Variants in COG5 observed in about 807,000 individuals in gnomAD.
COG5 encodes conserved oligomeric Golgi complex subunit 5.
COG5 carries 86 observed loss-of-function variants against 110.4 expected under a neutral mutation model. That is an observed-to-expected ratio of 0.78 (90% CI 0.65 to 0.93). COG5 has a LOEUF of 0.93. COG5 is among the 40% of genes least tolerant of loss of function. The pLI is 0.00. For missense variants in COG5, 1,077 were observed against 987.0 expected (o/e 1.09, Z -1.22); for synonymous variants, 360 against 334.6 (o/e 1.08, Z -0.83).
intron 21 of COG5, chr7:107,210,093 GGTT>G (rs1252008025): frequency 1.4e-5 from 15 of 1,043,582 alleles, no homozygotes; most frequent in African/African-American, 1.7e-5. Context: ...GTGGCTGCTG[GGTT>G]GTTCTTGTTT....
intron 6 of COG5, among the ~76,000 whole-genome samples, chr7:107,419,848 G>A (rs191948520): frequency 1.3e-5 from 2 of 152,156 alleles, no homozygotes; most frequent in African/African-American, 2.4e-5. Context: ...GATTACAGGC[G>A]TGAGCCACTT....
chr7:107,253,463 A>C (rs1802664911), intron 16 of COG5, among the ~76,000 whole-genome samples: 1 of 152,160 alleles, frequency 6.6e-6, no homozygotes, highest in African/African-American at 2.4e-5. Context: ...AAAGGGAGAA[A>C]GAAGCATTGC....
At chr7:107,294,881 TTGTGTGTGTGTGTG>T (rs756358916) in intron 12 of COG5, among the ~76,000 whole-genome samples, 17 of 94,270 alleles carry the variant, frequency 1.8e-4, no homozygotes, top group East Asian at 3.5e-4. Context: ...ATGCCTGGAT[TTGTGTGTGTGTGTG>T]TGTGTGTGTG....
At position 107,524,952 on chromosome 7, in the gene COG5, C is replaced by T. The variant is rs568006302; in HGVS notation, c.538+2285G>A. On this transcript the variant is annotated intron_variant, in intron 6 of 21. Coordinates refer to ENST00000297135, the MANE Select transcript of COG5 (RefSeq NM_006348.5). The stretch of plus-strand genomic sequence containing the variant: ...TTTTTTGTTTGTTTGTTTGTTTTGA[C>T]AGAGTCTTGCTCTGTCACCAGGCTG... 3.2e-4 allele frequency among the ~76,000 whole-genome samples: 49 copies of T among 152,144 alleles called. No individual in the cohort carries two copies. In the South Asian group the frequency reaches 1.0e-2, roughly 31 times the overall value.
intron 14 of COG5, among the ~76,000 whole-genome samples, chr7:107,278,040 T>C (rs1487834147): frequency 6.6e-6 from 1 of 152,186 alleles, no homozygotes; most frequent in Admixed American, 6.5e-5. Context: ...CTAAGTATAC[T>C]AAAACGTTTC....
intron 7 of COG5, among the ~76,000 whole-genome samples, chr7:107,378,341 T>C (rs958766703): frequency 6.6e-6 from 1 of 151,944 alleles, no homozygotes; most frequent in Non-Finnish European, 1.5e-5. Flanking sequence ...GGTTGAAAAT[T>C]ACAAAAACCA....
At chr7:107,361,684 C>T (rs938778042) in intron 10 of COG5, among the ~76,000 whole-genome samples, 2 of 152,166 alleles carry the variant, frequency 1.3e-5, no homozygotes, top group Non-Finnish European at 2.9e-5. Context: ...GCCTCAGCCT[C>T]CCGAGTAGCT....
intron 6 of COG5, among the ~76,000 whole-genome samples, chr7:107,494,529 A>G (rs28560266): frequency 0.011 from 1,745 of 152,284 alleles, 32 homozygotes; most frequent in African/African-American, 0.039. Context: ...CCACTGTGTT[A>G]CAACTGCCTA....
chr7:107,258,198 C>T lies in COG5; in HGVS notation c.1686+75G>A. On this transcript the variant is annotated intron_variant, in intron 15 of 21. Coordinates refer to ENST00000297135, the MANE Select transcript of COG5 (RefSeq NM_006348.5). The stretch of plus-strand genomic sequence containing the variant: ...TATTCTTTTCCAAAGTACTAAATAA[C>T]AATTTGTAAACTGTCCAAATTTGAG... The T allele has an allele frequency of 3.5e-6, 3 of 858,774 alleles. No individual in the cohort carries two copies. In the South Asian group the frequency reaches 4.3e-5, roughly 12 times the overall value. The allele number at this position is 858,774 out of a possible 1,614,324, so 53.2% of individuals were successfully genotyped here. A position where few individuals can be genotyped will look rare whatever the true frequency, so the allele number is the denominator to read the frequency against.
rs776440647 is a variant in COG5 at position 107,211,241 on chromosome 7, A to T, written c.2169-16T>A. The T allele has an allele frequency of 7.1e-5, 114 of 1,613,280 alleles. No homozygotes were observed. Among genetic ancestry groups the T allele is most frequent in the Non-Finnish European group, 8.6e-5 (101 of 1,179,458 alleles). ...GAGCAGAGGTCTAGACGGGAAAAAC[A>T]GAAGTTATTTCACACTGTTCAATAC... On this transcript the variant is annotated splice_polypyrimidine_tract_variant and intron_variant, in intron 19 of 21. Transcript: ENST00000297135.
At chr7:107,536,362 T>C (rs1801583215) in intron 5 of COG5, among the ~76,000 whole-genome samples, 1 of 152,214 alleles carries the variant, frequency 6.6e-6, no homozygotes. Flanking sequence ...ATTGTATATA[T>C]AGAAAACTCC....
chr7:107,340,100 G>C (rs1358314072), intron 10 of COG5, among the ~76,000 whole-genome samples: 1 of 151,800 alleles, frequency 6.6e-6, no homozygotes, highest in Non-Finnish European at 1.5e-5. Context: ...TTCTTTGAAA[G>C]AGTAATAAAC....
chr7:107,240,619 C>G (rs1285462238), intron 17 of COG5, among the ~76,000 whole-genome samples: 1 of 152,182 alleles, frequency 6.6e-6, no homozygotes, highest in Admixed American at 6.5e-5. Flanking sequence ...GTGTGGAGGG[C>G]TTGAAGGGTC....
chr7:107,416,522 T>TAC (rs1320229378), intron 6 of COG5, among the ~76,000 whole-genome samples: 2 of 152,176 alleles, frequency 1.3e-5, no homozygotes, highest in Non-Finnish European at 2.9e-5. Flanking sequence ...GTTATTCTAA[T>TAC]ACACTAATTC....
At chr7:107,407,420 T>C (rs1791932673) in intron 7 of COG5, among the ~76,000 whole-genome samples, 1 of 152,042 alleles carries the variant, frequency 6.6e-6, no homozygotes, top group African/African-American at 2.4e-5. Flanking sequence ...AAGACCATCA[T>C]CTAGTGTTTT....
rs181216033 is a variant in COG5 at position 107,260,417 on chromosome 7, G to A, written c.1576-2034C>T. On this transcript the variant is annotated intron_variant, in intron 14 of 21. Coordinates refer to ENST00000297135, the MANE Select transcript of COG5 (RefSeq NM_006348.5). The stretch of plus-strand genomic sequence containing the variant: ...TGATTGGAAATTGCAGTGGGGCAGT[G>A]GGGTATATGAGGAGTGAGTGCTAAC... 1.3e-4 allele frequency among the ~76,000 whole-genome samples: 20 copies of A among 152,248 alleles called. No homozygotes were observed. In the East Asian group the frequency reaches 3.3e-3, roughly 25 times the overall value.
chr7:107,555,066 T>TGAATCAAAGC (rs1283087032), intron 2 of COG5, among the ~76,000 whole-genome samples: 2 of 152,214 alleles, frequency 1.3e-5, no homozygotes, highest in African/African-American at 4.8e-5. Flanking sequence ...CCACCAAGGC[T>TGAATCAAAGC]ACATCCTACT....
intron 16 of COG5, among the ~76,000 whole-genome samples, chr7:107,255,663 A>C (rs1802829309): frequency 6.6e-6 from 1 of 152,106 alleles, no homozygotes; most frequent in South Asian, 2.1e-4. Context: ...CCAATCTAAT[A>C]GTTAAAATTT....
At chr7:107,447,385 A>G (rs79553674) in intron 6 of COG5, among the ~76,000 whole-genome samples, 3,617 of 152,278 alleles carry the variant, frequency 0.024, 142 homozygotes, top group African/African-American at 0.081. Flanking sequence ...TGGGGGTTTT[A>G]GGAAATAGGA....
Sources: gnomAD v4.1 joint callset for allele counts (sites outside exome capture counted in the v4.1 genomes callset) on GRCh38, gnomAD v4.1.1 for gene constraint, MANE v1.5 for transcripts, NCBI Gene and HGNC (gene_info 2026-07-23, HGNC 2026-07-21) for gene names.